The following ERCC2 variants were observed in gnomAD, a reference collection of about 807,000 sequenced individuals.
ERCC2 encodes the protein ERCC excision repair 2, TFIIH core complex helicase subunit, also known as general transcription and DNA repair factor IIH helicase subunit XPD.
ERCC2 carries 90 observed loss-of-function variants against 99.4 expected under a neutral mutation model. The observed-to-expected ratio is 0.91, with a 90% CI of 0.76 to 1.08. The LOEUF (loss-of-function observed/expected upper bound fraction) is 1.08, where lower values mean the gene tolerates loss of function less well. ERCC2 is among the 50% of genes least tolerant of loss of function. The pLI, the probability that ERCC2 is intolerant of heterozygous loss-of-function variation, is 0.00. For synonymous variants in ERCC2, 497 were observed against 432.4 expected (o/e 1.15, Z -1.85); for missense variants, 993 against 1,038.1 (o/e 0.96, Z 0.60).
At chr19:45,352,174 C>G (rs1971824119) in intron 22 of ERCC2, 35 bp downstream of exon 22, 1 of 1,611,008 alleles carries the variant, frequency 6.2e-7, no homozygotes, top group African/African-American at 1.3e-5. Flanking sequence ...GAAGCTCAGC[C>G]TGGGAGGGTG....
In ERCC2 at chr19:45,351,334, A is replaced by C. The variant is rs1342939642; in HGVS notation, c.*295T>G. The stretch of plus-strand genomic sequence containing the variant: ...GGCCCCTCGGACCCTCAGCGCCAGC[A>C]CCCAGGACCTGAGCCCCCACTAACG... On this transcript the variant is annotated 3_prime_UTR_variant, in exon 23 of 23. Transcript: ENST00000391945. 7 of 1,611,904 alleles carry C rather than the reference A, an allele frequency of 4.3e-6. No homozygotes were observed. Among genetic ancestry groups the C allele is most frequent in the South Asian group, 2.2e-5 (2 of 91,072 alleles).
chr19:45,364,007 G>C lies in ERCC2; in HGVS notation c.928C>G (p.Leu310Val). ...ETDAHLANPV[L>V]PDEVLQEAVP... Reference sequence around the variant, plus strand: ...TCACCCTGCAGCACTTCGTCGGGCAGCACGGGGTTGGCCAGGTGGGCGTCC... The same window carrying C: ...TCACCCTGCAGCACTTCGTCGGGCACCACGGGGTTGGCCAGGTGGGCGTCC... The change falls in exon 10 of 23, where the codon CTG (leucine) becomes GTG (valine). Residue 310 changes from leucine (L) to valine (V), a missense_variant. Around this residue, in one of 3 missense-constraint regions of ERCC2, gnomAD observed 909 missense variants for 930.8 expected, o/e 0.98. Coordinates refer to ENST00000391945, the MANE Select transcript of ERCC2 (RefSeq NM_000400.4). The C allele has an allele frequency of 1.3e-6, 2 of 1,546,576 alleles. No homozygotes were observed. Among genetic ancestry groups the C allele is most frequent in the Non-Finnish European group, 1.7e-6 (2 of 1,147,938 alleles).
At position 45,366,389 on chromosome 19, in the gene ERCC2, G is replaced by A. The variant is rs1216743690; in HGVS notation, c.361-1231C>T. 4.6e-5 allele frequency among the ~76,000 whole-genome samples: 7 copies of A among 151,732 alleles called. No homozygotes were observed. In the South Asian group the frequency reaches 1.0e-3, roughly 23 times the overall value. ...ACTCCTGATCTCAGGTGATCCACCC[G>A]CCTCGGCCTCCCAAAGTGCTGGGAT... On this transcript the variant is annotated intron_variant, in intron 5 of 22. Coordinates refer to ENST00000391945, the MANE Select transcript of ERCC2 (RefSeq NM_000400.4).
intron 12 of ERCC2, chr19:45,357,966 A>T (rs1972072202): frequency 1.8e-6 from 1 of 554,692 alleles, no homozygotes; most frequent in Non-Finnish European, 3.3e-6. Context: ...CCCACTGCTC[A>T]CTCTCCCAGC....
chr19:45,369,207 T>G, intron 2 of ERCC2, 60 bp from the exon 3 acceptor site: 1 of 1,397,794 alleles, frequency 7.2e-7, no homozygotes, highest in Non-Finnish European at 1.0e-6. Flanking sequence ...GCACACAAAC[T>G]CTGGGGACTC....
intron 19 of ERCC2, 94 bp downstream of exon 19, chr19:45,352,989 T>G (rs1599725850): frequency 1.5e-6 from 2 of 1,378,304 alleles, no homozygotes; most frequent in African/African-American, 1.4e-5. Context: ...AGGCTGGGGG[T>G]GGGTGGTTCC....
At chr19:45,369,800 C>T (rs1322718431) in intron 2 of ERCC2, among the ~76,000 whole-genome samples, 1 of 152,078 alleles carries the variant, frequency 6.6e-6, no homozygotes, top group African/African-American at 2.4e-5. Flanking sequence ...CTCAGCCTCC[C>T]GAGTAGGTGG....
At position 45,351,376 on chromosome 19, in the gene ERCC2, G is replaced by A. The variant is rs1187716801; in HGVS notation, c.*253C>T. 4 of 1,608,412 alleles carry A rather than the reference G, an allele frequency of 2.5e-6. No homozygotes were observed. ...CCACTAACGTCCAGTGAACTGCGCT[G>A]GCCGCAGCTTCTTGGGAACAGTGCA... On this transcript the variant is annotated 3_prime_UTR_variant, in exon 23 of 23. Transcript: ENST00000391945.
intron 12 of ERCC2, 42 bp downstream of exon 12, chr19:45,361,482 G>T (rs781003236): frequency 2.2e-6 from 3 of 1,382,974 alleles, no homozygotes; most frequent in Non-Finnish European, 3.1e-6. Flanking sequence ...CCTGATTCCA[G>T]CTGCTAGGAG....
At chr19:45,358,411 G>A (rs542870605) in intron 12 of ERCC2, 13 of 204,024 alleles carry the variant, frequency 6.4e-5, no homozygotes, top group Admixed American at 3.7e-4. Flanking sequence ...CCGACCCCAC[G>A]CGGGGCCAGC....
rs1040480735 is a variant in ERCC2 at position 45,363,836 on chromosome 19, CA to C, written c.1024del (p.Trp342GlyfsTer17). On this transcript the variant is annotated frameshift_variant, in exon 11 of 23. Transcript: ENST00000391945. LOFTEE classifies it high-confidence loss of function. ...FLRRLLEYVK[W>X]RLRVQHVVQE... ...CACCACATGCTGCACACGCAGCCGC[CA>C]CTTCACGTACTCCAGCAGCCGCCTC... 2 of 1,547,152 alleles carry C rather than the reference CA, an allele frequency of 1.3e-6. No individual in the cohort carries two copies. The highest frequency in any genetic ancestry group is 2.7e-5 in the African/African-American group (2 of 73,394).
intron 12 of ERCC2, chr19:45,358,634 T>A: frequency 1.7e-6 from 1 of 578,162 alleles, no homozygotes; most frequent in Non-Finnish European, 3.1e-6. Flanking sequence ...GCTGGTCCCA[T>A]GTGGCCTGGA....
chr19:45,355,747 C>T lies in ERCC2; in HGVS notation c.1480-19G>A. 1 of 1,612,688 alleles carries T rather than the reference C, an allele frequency of 6.2e-7. No individual in the cohort carries two copies. The highest frequency in any genetic ancestry group is 8.5e-7 in the Non-Finnish European group (1 of 1,179,028). ...CGATGATCTGGAGAGCAACAGAGGT[C>T]ACGATAAGCGAGGCAGCAGCAACTG... On this transcript the variant is annotated intron_variant, in intron 15 of 22. Transcript: ENST00000391945.
chr19:45,370,512 CGCGACCCCCA>C lies in ERCC2; in HGVS notation c.5+14_5+23del. On this transcript the variant is annotated intron_variant, in intron 1 of 22. Coordinates refer to ENST00000391945, the MANE Select transcript of ERCC2 (RefSeq NM_000400.4). ...AAGACCCCCCGCGCCCGCTAGCGAG[CGCGACCCCCA>C]GCCCCCTTCTCACTTCATGGCGCCG... 6.3e-7 allele frequency: 1 copy of C among 1,580,232 alleles called. No individual in the cohort carries two copies. Among genetic ancestry groups the C allele is most frequent in the Non-Finnish European group, 8.6e-7 (1 of 1,168,744 alleles).
Position 45,357,267 on chromosome 19 carries a change from C to CA in ERCC2, c.1479+2dup, listed in dbSNP as rs776705174. On this transcript the variant is annotated splice_region_variant and intron_variant, in intron 15 of 22. Transcript: ENST00000391945. Reference sequence around the variant, plus strand: ...GGCCCCAGCCCTAGCCTCTCCCACTCACCATAGGGCAGAGGCAGACCCGTG... The same window carrying CA: ...GGCCCCAGCCCTAGCCTCTCCCACTCAACCATAGGGCAGAGGCAGACCCGTG... 4.7e-5 allele frequency: 76 copies of CA among 1,609,106 alleles called. No individual in the cohort carries two copies. The highest frequency in any genetic ancestry group is 6.4e-5 in the Non-Finnish European group (75 of 1,176,024).
rs774079690 is a variant in ERCC2, at chr19:45,363,915, C to T, written c.950-4G>A. Reference sequence around the variant, plus strand: ...CGGATGGAGCCAGGCACTGCCTCTGCGAGGAGACGCTATCAGCGGCGACGG... The same window carrying T: ...CGGATGGAGCCAGGCACTGCCTCTGTGAGGAGACGCTATCAGCGGCGACGG... On this transcript the variant is annotated splice_region_variant and splice_polypyrimidine_tract_variant and intron_variant, in intron 10 of 22. Coordinates refer to ENST00000391945, the MANE Select transcript of ERCC2 (RefSeq NM_000400.4). 2.7e-5 allele frequency: 41 copies of T among 1,542,274 alleles called. No homozygotes were observed. The Admixed American group carries it at 7.7e-4, about 29-fold the overall frequency.
In ERCC2 at chr19:45,350,879, T is replaced by C. The variant is rs1416857157; in HGVS notation, c.*750A>G. The stretch of plus-strand genomic sequence containing the variant: ...CCTGTGATACACACAGATCAAACCC[T>C]GTGCTGGAAAGGTCCCTCGTGGAGG... On this transcript the variant is annotated 3_prime_UTR_variant, in exon 23 of 23. Transcript: ENST00000391945. 1.4e-6 allele frequency: 2 copies of C among 1,395,052 alleles called. No homozygotes were observed. Among genetic ancestry groups the C allele is most frequent in the East Asian group, 3.2e-5 (1 of 31,114 alleles). 86.4% of individuals were successfully genotyped at this position (1,395,052 alleles called of 1,614,324 possible). A position where few individuals can be genotyped will look rare whatever the true frequency, so the allele number is the denominator to read the frequency against.
At chr19:45,362,700 C>T (rs1972268059) in intron 11 of ERCC2, among the ~76,000 whole-genome samples, 1 of 152,252 alleles carries the variant, frequency 6.6e-6, no homozygotes, top group South Asian at 2.1e-4. Context: ...GAAGCAGGCA[C>T]TTGGGGAATG....
intron 15 of ERCC2, 51 bp from the exon 16 acceptor site, chr19:45,355,779 CG>C: frequency 7.3e-7 from 1 of 1,378,582 alleles, no homozygotes; most frequent in Admixed American, 1.7e-5. Flanking sequence ...ACTGCTCCAG[CG>C]TGAGTGCTGA....
Sources: allele counts gnomAD v4.1 joint callset (sites outside exome capture counted in the v4.1 genomes callset), GRCh38; gene constraint gnomAD v4.1.1; regional missense constraint gnomAD v4.1.1; transcripts MANE v1.5; gene names NCBI Gene and HGNC (gene_info 2026-07-23, HGNC 2026-07-21).